The following TP53BP1 variants were observed in gnomAD, a reference collection of about 807,000 sequenced individuals.
The protein encoded by TP53BP1 is TP53-binding protein 1.
TP53BP1 carries 61 observed loss-of-function variants against 200.8 expected under a neutral mutation model. That is an observed-to-expected ratio of 0.30 (90% CI 0.25 to 0.38). The LOEUF (loss-of-function observed/expected upper bound fraction) is 0.38, where lower values mean the gene tolerates loss of function less well. TP53BP1 is among the 10% of genes least tolerant of loss of function. The probability of loss-of-function intolerance (pLI) is 1.00; values close to 1 mark genes in which losing one functional copy is unlikely to be tolerated. For synonymous variants in TP53BP1, 822 were observed against 844.3 expected, an observed-to-expected ratio of 0.97 and a Z score of 0.46; for missense variants, 2,144 against 2,371.9, an observed-to-expected ratio of 0.90 and a Z score of 2.00.
intron 11 of TP53BP1, among the ~76,000 whole-genome samples, chr15:43,469,518 T>C (rs545099845): frequency 6.6e-6 from 1 of 152,088 alleles, no homozygotes; most frequent in South Asian, 2.1e-4. Context: ...AAAAATTTAT[T>C]AAAAAAAACC....
Position 43,419,536 on chromosome 15 carries a change from CTTTTTTTTTTTTT to C in TP53BP1, c.4681+756_4681+768del, listed in dbSNP as rs34159488. On this transcript the variant is annotated intron_variant, in intron 21 of 27. Coordinates refer to ENST00000382044, the MANE Select transcript of TP53BP1 (RefSeq NM_001141980.3). ...CCCCATGCCCAGCTAATTTATGTTCCTTTTTTTTTTTTTTTTTTTTTTTTTTTTGAGAGACAGG... is the reference window on the plus strand; with the variant it reads ...CCCCATGCCCAGCTAATTTATGTTCCTTTTTTTTTTTTTTTGAGAGACAGG... 4.1e-5 allele frequency among the ~76,000 whole-genome samples: 3 copies of C among 73,426 alleles called. No individual in the cohort carries two copies. In the Admixed American group the frequency reaches 4.6e-4, roughly 11 times the overall value. The allele number at this position is 73,426 out of a possible 152,430, so 48.2% of individuals were successfully genotyped here. A position where few individuals can be genotyped will look rare whatever the true frequency, so the allele number is the denominator to read the frequency against.
rs777375988 is a variant in TP53BP1 at position 43,493,085 on chromosome 15, A to C, written c.-42T>G. On this transcript the variant is annotated 5_prime_UTR_variant, in exon 1 of 28. Transcript: ENST00000382044. ...TCGCGCTCGAGCTAGAGGTCTCTGC[A>C]CGCTCCCCAAGTCCCTCCAGATCGA... The C allele has an allele frequency of 6.2e-7, 1 of 1,610,768 alleles. No individual in the cohort carries two copies. The highest frequency in any genetic ancestry group is 8.5e-7 in the Non-Finnish European group (1 of 1,179,188).
intron 16 of TP53BP1, among the ~76,000 whole-genome samples, chr15:43,434,728 G>A (rs1025202265): frequency 1.3e-5 from 2 of 152,198 alleles, no homozygotes; most frequent in Non-Finnish European, 2.9e-5. Flanking sequence ...CCAGAAATGA[G>A]AGAAATAAAT....
At chr15:43,441,992 T>A (rs2143002556) in intron 14 of TP53BP1, among the ~76,000 whole-genome samples, 1 of 152,250 alleles carries the variant, frequency 6.6e-6, no homozygotes. Context: ...AATCAAGTGA[T>A]CTGCCAGATT....
chr15:43,445,153 G>C (rs758971914), intron 14 of TP53BP1, among the ~76,000 whole-genome samples: 31 of 152,208 alleles, frequency 2.0e-4, no homozygotes, highest in Admixed American at 1.8e-3. Context: ...CTTCTCAAAA[G>C]TAGAGAGTAC....
upstream of TP53BP1, chr15:43,497,348 C>T: frequency 1.1e-6 from 1 of 941,628 alleles, no homozygotes. Context: ...CCACTGCACC[C>T]CAGCCTGGGC....
At chr15:43,446,330 C>A in intron 14 of TP53BP1, 57 bp downstream of exon 14, 3 of 1,292,964 alleles carry the variant, frequency 2.3e-6, no homozygotes, top group South Asian at 1.2e-5. Context: ...AGATTATAAT[C>A]AATACTCCCC....
At chr15:43,415,005 G>A (rs1275390460) in intron 23 of TP53BP1, among the ~76,000 whole-genome samples, 2 of 152,112 alleles carry the variant, frequency 1.3e-5, no homozygotes, top group Non-Finnish European at 2.9e-5. Flanking sequence ...ACCATGCCCA[G>A]CCATGTTTCA....
chr15:43,403,645 T>G lies in TP53BP1; in HGVS notation c.*3738A>C. 1 of 1,442,678 alleles carries G rather than the reference T, an allele frequency of 6.9e-7. No individual in the cohort carries two copies. Among genetic ancestry groups the G allele is most frequent in the Non-Finnish European group, 9.7e-7 (1 of 1,028,012 alleles). 89.4% of individuals were successfully genotyped at this position (1,442,678 alleles called of 1,614,324 possible). On this transcript the variant is annotated 3_prime_UTR_variant, in exon 28 of 28. Transcript: ENST00000382044. ...ACACTTTAACTTCATGGATGTACCT[T>G]CCTTCCTTTCCTAATGCCAACTCTG...
chr15:43,450,675 TAGAC>T (rs1275932393), intron 12 of TP53BP1, among the ~76,000 whole-genome samples: 1 of 152,200 alleles, frequency 6.6e-6, no homozygotes, highest in African/African-American at 2.4e-5. Context: ...GAGCTCTCCA[TAGAC>T]AGATACTTGA....
intron 11 of TP53BP1, among the ~76,000 whole-genome samples, chr15:43,464,401 G>A (rs1002140863): frequency 6.6e-6 from 1 of 152,116 alleles, no homozygotes; most frequent in African/African-American, 2.4e-5. Flanking sequence ...TAATAACTAA[G>A]AGAAGAATTA....
In TP53BP1 at chr15:43,457,038, T is replaced by C. The variant is rs149162670; in HGVS notation, c.1570A>G (p.Thr524Ala). 2.3e-4 allele frequency: 365 copies of C among 1,614,186 alleles called. No individual in the cohort carries two copies. The East Asian group carries it at 3.9e-3, about 17-fold the overall frequency. Residue 524 changes from threonine (T) to alanine (A), a missense_variant, in exon 12 of 28, where the codon ACA (threonine) becomes GCA (alanine). Coordinates refer to ENST00000382044, the MANE Select transcript of TP53BP1 (RefSeq NM_001141980.3). ...TGDSCKLMLS[T>A]SEYSQSPKME... ...TTTGGGGACTGACTATATTCACTTG[T>C]AGAAAGCATCAACTTGCAAGAATCC...
chr15:43,428,380 T>C (rs923017198), intron 17 of TP53BP1, among the ~76,000 whole-genome samples: 1 of 152,220 alleles, frequency 6.6e-6, no homozygotes, highest in Admixed American at 6.5e-5. Context: ...GAGCATGACC[T>C]AATAAAATGA....
At chr15:43,499,007 AAAC>A (rs1378554846) in intron 1 of TP53BP1, among the ~76,000 whole-genome samples, 2 of 151,700 alleles carry the variant, frequency 1.3e-5, no homozygotes, top group African/African-American at 2.4e-5. Context: ...TGCAAATTAA[AAAC>A]AACAACAACA....
intron 4 of TP53BP1, among the ~76,000 whole-genome samples, chr15:43,489,309 T>C (rs144471468): frequency 3.3e-5 from 5 of 152,288 alleles, no homozygotes; most frequent in African/African-American, 9.6e-5. Flanking sequence ...TGAAAAGAAG[T>C]AGCATGAAAC....
chr15:43,431,882 A>G (rs1050399606), intron 17 of TP53BP1, among the ~76,000 whole-genome samples: 2 of 152,222 alleles, frequency 1.3e-5, no homozygotes, highest in Non-Finnish European at 2.9e-5. Context: ...AAAAGTATGG[A>G]GAAGGAAAAG....
intron 24 of TP53BP1, among the ~76,000 whole-genome samples, chr15:43,410,842 C>A (rs756132996): frequency 6.6e-6 from 1 of 152,174 alleles, no homozygotes; most frequent in Non-Finnish European, 1.5e-5. Flanking sequence ...CCACTTAGTT[C>A]TGACTAGCCA....
At chr15:43,441,320 A>C (rs1482677412) in intron 15 of TP53BP1, 1 of 463,016 alleles carries the variant, frequency 2.2e-6, no homozygotes, top group Non-Finnish European at 3.8e-6. Context: ...CAATTATCTT[A>C]GTTCTAGGTG....
In TP53BP1 at chr15:43,420,402, G is replaced by A. The variant is rs768334619; in HGVS notation, c.4584C>T (p.Tyr1528=). 1.2e-5 allele frequency: 19 copies of A among 1,613,834 alleles called. No homozygotes were observed. In the East Asian group the frequency reaches 1.8e-4, roughly 15 times the overall value. ...TGTCTTTGCCCAACACATCACATTC[G>A]TACCCATCATCAAAGAGCAATTTAT... ...GKYKLLFDDG[Y]ECDVLGKDIL... Residue 1528 remains tyrosine (Y), a synonymous_variant, in exon 21 of 28, where the codon TAC becomes TAT. Coordinates refer to ENST00000382044, the MANE Select transcript of TP53BP1 (RefSeq NM_001141980.3).
Sources: allele counts gnomAD v4.1 joint callset (sites outside exome capture counted in the v4.1 genomes callset), GRCh38; gene constraint gnomAD v4.1.1; transcripts MANE v1.5; gene names NCBI Gene and HGNC (gene_info 2026-07-23, HGNC 2026-07-21).